The following DERL1 variants were observed in gnomAD, a reference collection of about 807,000 sequenced individuals.
DERL1 encodes derlin 1, also known as derlin-1.
In DERL1, 24 loss-of-function variants were observed where a neutral mutation model predicts 41.6. The ratio of observed to expected loss-of-function variants is 0.58; its 90% confidence interval spans 0.42 to 0.81. DERL1 has a LOEUF of 0.81. Among genes scored for constraint, DERL1 ranks in the 30% least tolerant of loss-of-function variants. The pLI is 0.00. For synonymous variants in DERL1, 124 were observed against 112.5 expected, an observed-to-expected ratio of 1.10 and a Z score of -0.65; for missense variants, 260 against 314.3, an observed-to-expected ratio of 0.83 and a Z score of 1.31.
chr8:123,015,827 CTG>C (rs2130449461), intron 7 of DERL1: 1 of 410,700 alleles, frequency 2.4e-6, no homozygotes, highest in South Asian at 6.1e-5. Flanking sequence ...AATTCACACT[CTG>C]AACGTTTTTT....
intron 5 of DERL1, among the ~76,000 whole-genome samples, chr8:123,021,984 A>G (rs1457137958): frequency 2.6e-5 from 4 of 152,214 alleles, no homozygotes; most frequent in Admixed American, 2.0e-4. Context: ...ACTCTCCCAA[A>G]TAAGAAAGCT....
At chr8:123,036,367 ACATACTT>A (rs1015533570) in intron 1 of DERL1, among the ~76,000 whole-genome samples, 82 of 152,322 alleles carry the variant, frequency 5.4e-4, no homozygotes, top group African/African-American at 1.9e-3. Context: ...ACAAAAGAGA[ACATACTT>A]CATAATTCCA....
intron 1 of DERL1, among the ~76,000 whole-genome samples, chr8:123,038,358 G>T (rs1812973963): frequency 6.6e-6 from 1 of 152,172 alleles, no homozygotes; most frequent in Non-Finnish European, 1.5e-5. Flanking sequence ...AGTTCCTCCA[G>T]GTGGGTCTGA....
At position 123,015,062 on chromosome 8, in the gene DERL1, G is replaced by C. The variant is rs978150959; in HGVS notation, c.*385C>G. The C allele has an allele frequency of 6.3e-6, 1 of 159,702 alleles. No homozygotes were observed. The highest frequency in any genetic ancestry group is 2.4e-5 in the African/African-American group (1 of 41,758). 9.9% of individuals were successfully genotyped at this position (159,702 alleles called of 1,614,324 possible). A position where few individuals can be genotyped will look rare whatever the true frequency, so the allele number is the denominator to read the frequency against. On this transcript the variant is annotated 3_prime_UTR_variant, in exon 8 of 8. Transcript: ENST00000259512. ...TGTGGGGGTTGGGAAAAGTGGGAGA[G>C]AGGCATGTGTGCAAGAAAGAGATAA...
intron 1 of DERL1, among the ~76,000 whole-genome samples, chr8:123,034,735 AAT>A (rs747398986): frequency 6.6e-6 from 1 of 152,220 alleles, no homozygotes; most frequent in Non-Finnish European, 1.5e-5. Flanking sequence ...GTAATCCTGA[AAT>A]AGACTCAGAG....
At position 123,035,856 on chromosome 8, in the gene DERL1, G is replaced by GTT. The variant is rs149391355; in HGVS notation, c.154-5142_154-5141dup. 8.8e-5 allele frequency among the ~76,000 whole-genome samples: 13 copies of GTT among 147,296 alleles called. No individual in the cohort carries two copies. The East Asian group carries it at 1.2e-3, about 13-fold the overall frequency. On this transcript the variant is annotated intron_variant, in intron 1 of 7. Coordinates refer to ENST00000259512, the MANE Select transcript of DERL1 (RefSeq NM_024295.6). ...AATAATTTGCCATCCAGAATCTAGT[G>GTT]TTTTTTTTTTTAAAGTATGAAAAGT...
At chr8:123,021,290 A>G (rs1814758048) in intron 6 of DERL1, among the ~76,000 whole-genome samples, 157 bp downstream of exon 6, 1 of 152,212 alleles carries the variant, frequency 6.6e-6, no homozygotes, top group Non-Finnish European at 1.5e-5. Context: ...CCTGCAATCT[A>G]ATCAATTCAA....
chr8:123,038,917 T>A (rs1045596638), intron 1 of DERL1, among the ~76,000 whole-genome samples: 1 of 152,160 alleles, frequency 6.6e-6, no homozygotes, highest in Non-Finnish European at 1.5e-5. Context: ...CTGAAAAGCA[T>A]CTCAAGACTT....
chr8:123,029,975 G>A (rs1448335979), intron 2 of DERL1, among the ~76,000 whole-genome samples: 1 of 152,062 alleles, frequency 6.6e-6, no homozygotes, highest in African/African-American at 2.4e-5. Flanking sequence ...CATGAGAATT[G>A]CTTGAACCCG....
At chr8:123,018,883 A>G (rs1814678489) in intron 7 of DERL1, 1 of 350,936 alleles carries the variant, frequency 2.8e-6, no homozygotes, top group African/African-American at 2.2e-5. Context: ...CTGCCCATTC[A>G]CCAGCCTACT....
chr8:123,030,301 T>C (rs1056804158), intron 2 of DERL1: 10 of 215,696 alleles, frequency 4.6e-5, no homozygotes, highest in Non-Finnish European at 8.1e-5. Flanking sequence ...AGTGAGACCC[T>C]CAAAATAAAT....
chr8:123,018,938 G>A (rs10283124), intron 7 of DERL1: 35,204 of 458,062 alleles, frequency 0.077, 1,796 homozygotes, highest in Admixed American at 0.12. Flanking sequence ...CAGGCTCAGA[G>A]AGCTGAGATG....
In DERL1 at chr8:123,025,029, G is replaced by C; in HGVS notation, c.287C>G (p.Ala96Gly). 1.2e-6 allele frequency: 2 copies of C among 1,613,752 alleles called. No homozygotes were observed. Among genetic ancestry groups the C allele is most frequent in the Non-Finnish European group, 1.7e-6 (2 of 1,179,874 alleles). The part of the protein sequence containing the change: ...LETGAFDGRP[A>G]DYLFMLLFNW... ...AAAGAGGAGCATGAATAAATAGTCT[G>C]CTGGCCTCCCATCAAAAGCTCCTGG... Residue 96 changes from alanine to glycine, a missense_variant, in exon 3 of 8, where the codon GCA becomes GGA. By Grantham distance (60) the Ala-to-Gly change is moderately conservative (BLOSUM62 0). Coordinates refer to ENST00000259512, the MANE Select transcript of DERL1 (RefSeq NM_024295.6).
chr8:123,041,818 C>T (rs907709390), intron 1 of DERL1, 152 bp downstream of exon 1: 21 of 1,114,056 alleles, frequency 1.9e-5, no homozygotes, highest in Non-Finnish European at 2.6e-5. Context: ...AGAGCCTCCC[C>T]GGGCCCAAAG....
chr8:123,038,409 GGAA>G (rs1812975997), intron 1 of DERL1, among the ~76,000 whole-genome samples: 1 of 152,200 alleles, frequency 6.6e-6, no homozygotes, highest in South Asian at 2.1e-4. Context: ...CAGAGTAACA[GGAA>G]GAAAAGACAA....
chr8:123,014,086 A>T lies in DERL1; in HGVS notation c.*1361T>A. Reference sequence around the variant, plus strand: ...CCTCAAAGTGTGACAGCCACTCAATACTGCTCCTAACAGTCTGCTTTCAGA... The same window carrying T: ...CCTCAAAGTGTGACAGCCACTCAATTCTGCTCCTAACAGTCTGCTTTCAGA... On this transcript the variant is annotated 3_prime_UTR_variant, in exon 8 of 8. Transcript: ENST00000259512. 6.6e-6 allele frequency: 1 copy of T among 152,228 alleles called. No homozygotes were observed. The highest frequency in any genetic ancestry group is 1.9e-4 in the East Asian group (1 of 5,194). 9.4% of individuals were successfully genotyped at this position (152,228 alleles called of 1,614,324 possible).
Position 123,042,217 on chromosome 8 carries a change from A to G in DERL1, c.-95T>C. The G allele has an allele frequency of 7.1e-7, 1 of 1,410,290 alleles. No homozygotes were observed. Among genetic ancestry groups the G allele is most frequent in the Non-Finnish European group, 9.3e-7 (1 of 1,078,146 alleles). The allele number at this position is 1,410,290 out of a possible 1,614,324, so 87.4% of individuals were successfully genotyped here. A position where few individuals can be genotyped will look rare whatever the true frequency, so the allele number is the denominator to read the frequency against. ...CCGGCTCCGCGACTGTTAGGTGTCT[A>G]GGTGGAAGCCGCCGAAGCCGCGATG... On this transcript the variant is annotated 5_prime_UTR_variant, in exon 1 of 8. Coordinates refer to ENST00000259512, the MANE Select transcript of DERL1 (RefSeq NM_024295.6).
At chr8:123,015,644 G>A in intron 7 of DERL1, 59 bp from the exon 8 acceptor site, 4 of 1,538,054 alleles carry the variant, frequency 2.6e-6, no homozygotes, top group Non-Finnish European at 1.8e-6. Context: ...CTTCCACATA[G>A]TTATCTGACC....
intron 2 of DERL1, among the ~76,000 whole-genome samples, chr8:123,026,664 C>G (rs530499259): frequency 6.6e-6 from 1 of 152,300 alleles, no homozygotes; most frequent in African/African-American, 2.4e-5. Context: ...CACGTCACCA[C>G]CACTCTAGAT....
Sources: allele counts gnomAD v4.1 joint callset (sites outside exome capture counted in the v4.1 genomes callset), GRCh38; gene constraint gnomAD v4.1.1; transcripts MANE v1.5; gene names NCBI Gene and HGNC (gene_info 2026-07-23, HGNC 2026-07-21).